KDM1B: variants seen among roughly 807,000 people sequenced by gnomAD.
KDM1B encodes the protein lysine demethylase 1B.
KDM1B carries 63 observed loss-of-function variants against 107.4 expected under a neutral mutation model. The ratio of observed to expected loss-of-function variants is 0.59; its 90% CI spans 0.48 to 0.72. The LOEUF is 0.72. KDM1B is among the 30% of genes least tolerant of loss of function. KDM1B has a pLI of 0.00. For synonymous variants in KDM1B, 363 were observed against 363.9 expected (o/e 1.00, Z 0.03); for missense variants, 749 against 1,020.8 (o/e 0.73, Z 3.63).
chr6:18,221,445 CT>C (rs1789732297), intron 21 of KDM1B, among the ~76,000 whole-genome samples: 1 of 152,120 alleles, frequency 6.6e-6, no homozygotes, highest in African/African-American at 2.4e-5. Flanking sequence ...ACAGCCCTCA[CT>C]CACATTGTCT....
At position 18,214,947 on chromosome 6, in the gene KDM1B, G is replaced by T; in HGVS notation, c.2110-60G>T. 1 of 1,550,334 alleles carries T rather than the reference G, an allele frequency of 6.5e-7. No individual in the cohort carries two copies. Among genetic ancestry groups the T allele is most frequent in the South Asian group, 1.2e-5 (1 of 84,858 alleles). ...ACAAAACAAAAAACAAAAAAAAGAG[G>T]CCCTTATCTGTGGGAGCTGAGCACT... On this transcript the variant is annotated intron_variant, in intron 19 of 21. Coordinates refer to ENST00000650836, the MANE Select transcript of KDM1B (RefSeq NM_001364614.2). The surrounding 1 kb of genome is among the most constrained non-coding windows in gnomAD (Gnocchi z 4.4).
chr6:18,214,914 A>T lies in KDM1B; in HGVS notation c.2110-93A>T. 7.6e-7 allele frequency: 1 copy of T among 1,316,284 alleles called. No individual in the cohort carries two copies. The highest frequency in any genetic ancestry group is 2.3e-5 in the Admixed American group (1 of 43,740). 81.5% of individuals were successfully genotyped at this position (1,316,284 alleles called of 1,614,324 possible). A position where few individuals can be genotyped will look rare whatever the true frequency, so the allele number is the denominator to read the frequency against. On this transcript the variant is annotated intron_variant, in intron 19 of 21. Coordinates refer to ENST00000650836, the MANE Select transcript of KDM1B (RefSeq NM_001364614.2). The surrounding 1 kb of genome is among the most constrained non-coding windows in gnomAD (Gnocchi z 4.4). ...GACAGAGCAAAACTCTGTCTCATTT[A>T]AAACAAAACAAAACAAAAAACAAAA...
chr6:18,171,077 C>T (rs1469713934), intron 6 of KDM1B, among the ~76,000 whole-genome samples: 1 of 152,142 alleles, frequency 6.6e-6, no homozygotes, highest in East Asian at 1.9e-4. Context: ...GCCTTGGCCT[C>T]CCAAAGTGCT....
chr6:18,213,360 C>T lies in KDM1B; in HGVS notation c.1984-296C>T, dbSNP rs1227293387. Among the ~76,000 whole-genome samples the T allele has an allele frequency of 2.0e-5, 3 of 151,208 alleles. No homozygotes were observed. The highest frequency in any genetic ancestry group is 2.4e-5 in the African/African-American group (1 of 41,112). On this transcript the variant is annotated intron_variant, in intron 18 of 21. Transcript: ENST00000650836. This position sits in a 1 kb window ranked among gnomAD's most constrained non-coding sequence, Gnocchi z 5.9. ...CTGAGGCAGGAGAATCACTCGAAAC[C>T]GGAAAGTGGAGGCTGCAGTGAGCCA...
At chr6:18,163,543 T>A (rs1785103198) in intron 5 of KDM1B, among the ~76,000 whole-genome samples, 1 of 152,198 alleles carries the variant, frequency 6.6e-6, no homozygotes, top group African/African-American at 2.4e-5. Flanking sequence ...ATCTTTCTTC[T>A]TTTCCAATAA....
chr6:18,215,871 T>C (rs2151035961), intron 20 of KDM1B, among the ~76,000 whole-genome samples: 1 of 152,260 alleles, frequency 6.6e-6, no homozygotes, highest in South Asian at 2.1e-4. Context: ...TTTTTTAATA[T>C]CGCACACATG....
intron 7 of KDM1B, among the ~76,000 whole-genome samples, chr6:18,174,846 A>G (rs116039710): frequency 0.018 from 2,738 of 152,258 alleles, 43 homozygotes; most frequent in African/African-American, 0.05. Flanking sequence ...GTATGTATGT[A>G]TGTACACATA....
intron 2 of KDM1B, among the ~76,000 whole-genome samples, chr6:18,158,299 G>A (rs1258238433): frequency 7.1e-6 from 1 of 141,798 alleles, no homozygotes; most frequent in African/African-American, 2.6e-5. Flanking sequence ...AAAGGAGGCC[G>A]GGCGATAGAG....
At position 18,167,226 on chromosome 6, in the gene KDM1B, G is replaced by A. The variant is rs187826131; in HGVS notation, c.417+848G>A. On this transcript the variant is annotated intron_variant, in intron 6 of 21. Coordinates refer to ENST00000650836, the MANE Select transcript of KDM1B (RefSeq NM_001364614.2). ...ACAAAAATTAGCCGGGCGTGGTGGCGCGCGCCTGTTGTCCCAGCTACTTGG... is the reference window on the plus strand; with the variant it reads ...ACAAAAATTAGCCGGGCGTGGTGGCACGCGCCTGTTGTCCCAGCTACTTGG... Among the ~76,000 whole-genome samples, 525 of 151,576 alleles carry A rather than the reference G, an allele frequency of 3.5e-3. 4 individuals carry two copies. Among genetic ancestry groups the A allele is most frequent in the African/African-American group, 0.012 (483 of 41,364 alleles).
rs1789949087 is a variant in KDM1B at position 18,223,485 on chromosome 6, C to T, written c.*1493C>T. On this transcript the variant is annotated 3_prime_UTR_variant, in exon 22 of 22. Transcript: ENST00000650836. The stretch of plus-strand genomic sequence containing the variant: ...TGGCAAGTATTCTGCTTTAAAGTAT[C>T]ATGTATTAAAATGTTTAGACAGCAT... 6.6e-6 allele frequency: 1 copy of T among 151,968 alleles called. No individual in the cohort carries two copies. 9.4% of individuals were successfully genotyped at this position (151,968 alleles called of 1,614,324 possible).
intron 9 of KDM1B, among the ~76,000 whole-genome samples, chr6:18,188,835 G>A (rs985379021): frequency 6.6e-6 from 1 of 150,954 alleles, no homozygotes; most frequent in African/African-American, 2.4e-5. Context: ...CCAGGCTGGA[G>A]TGCAGTGGCG....
Position 18,221,988 on chromosome 6 carries a change from T to G in KDM1B, c.2465T>G (p.Phe822Cys). Residue 822 changes from phenylalanine (F) to cysteine (C), a missense_variant, in exon 22 of 22, where the codon TTT (phenylalanine) becomes TGT (cysteine). Coordinates refer to ENST00000650836, the MANE Select transcript of KDM1B (RefSeq NM_001364614.2). ...GVREASKIAAF is the reference protein window; with the variant it reads ...GVREASKIAAC The stretch of plus-strand genomic sequence containing the variant: ...CGAGAAGCAAGCAAGATTGCAGCAT[T>G]TTAAGAATTCGGTGGACCCAGCTTT... The G allele has an allele frequency of 6.2e-7, 1 of 1,613,984 alleles. No homozygotes were observed. Among genetic ancestry groups the G allele is most frequent in the Non-Finnish European group, 8.5e-7 (1 of 1,179,870 alleles).
rs1788299891 is a variant in KDM1B, at chr6:18,205,351, AG to A, written c.1532-185del. On this transcript the variant is annotated intron_variant, in intron 14 of 21. Coordinates refer to ENST00000650836, the MANE Select transcript of KDM1B (RefSeq NM_001364614.2). This position sits in a 1 kb window ranked among gnomAD's most constrained non-coding sequence, Gnocchi z 5.7. ...ATAATAATAATAAAATTAAAAAAAAAGATAAACTTTCTCTTCCTGAGAGAAA... is the reference window on the plus strand; with the variant it reads ...ATAATAATAATAAAATTAAAAAAAAAATAAACTTTCTCTTCCTGAGAGAAA... 6.6e-6 allele frequency among the ~76,000 whole-genome samples: 1 copy of A among 152,186 alleles called. No individual in the cohort carries two copies. The highest frequency in any genetic ancestry group is 2.4e-5 in the African/African-American group (1 of 41,446).
In KDM1B at chr6:18,205,396, C is replaced by G. The variant is rs1401111759; in HGVS notation, c.1532-141C>G. On this transcript the variant is annotated intron_variant, in intron 14 of 21. Transcript: ENST00000650836. This position sits in a 1 kb window ranked among gnomAD's most constrained non-coding sequence, Gnocchi z 5.7. ...AGAGAAATGGACCTTATCAAGAGATCTTTTCCCCTCTGACTTTACTTGGGA... is the reference window on the plus strand; with the variant it reads ...AGAGAAATGGACCTTATCAAGAGATGTTTTCCCCTCTGACTTTACTTGGGA... The G allele has an allele frequency of 1.6e-5, 10 of 623,270 alleles. No individual in the cohort carries two copies. The highest frequency in any genetic ancestry group is 3.5e-5 in the Admixed American group (1 of 28,318). 38.6% of individuals were successfully genotyped at this position (623,270 alleles called of 1,614,324 possible).
rs1366287739 is a variant in KDM1B at position 18,201,469 on chromosome 6, T to A, written c.1360-17T>A. ...TCCAGGGAAAATTTTCACCTTCTTA[T>A]TCTTATTATTTTGAAGCTTGGCATC... On this transcript the variant is annotated splice_polypyrimidine_tract_variant and intron_variant, in intron 13 of 21. Coordinates refer to ENST00000650836, the MANE Select transcript of KDM1B (RefSeq NM_001364614.2). The surrounding 1 kb of genome is among the most constrained non-coding windows in gnomAD (Gnocchi z 4.3). The A allele has an allele frequency of 2.0e-6, 3 of 1,537,618 alleles. No individual in the cohort carries two copies. The highest frequency in any genetic ancestry group is 2.6e-6 in the Non-Finnish European group (3 of 1,140,690).
At position 18,207,603 on chromosome 6, in the gene KDM1B, C is replaced by T. The variant is rs372194816; in HGVS notation, c.1791+74C>T. The T allele has an allele frequency of 3.8e-5, 60 of 1,578,522 alleles. No individual in the cohort carries two copies. The East Asian group carries it at 4.1e-4, about 11-fold the overall frequency. ...TGTGAAGTTCTGGGCATGCGGCTCA[C>T]GCAGGAGAATGGGGCTGGCTTTGGT... is the stretch of plus-strand genomic sequence containing the variant. On this transcript the variant is annotated intron_variant, in intron 16 of 21. Coordinates refer to ENST00000650836, the MANE Select transcript of KDM1B (RefSeq NM_001364614.2).
intron 6 of KDM1B, 122 bp from the exon 7 acceptor site, chr6:18,171,241 A>AG (rs1338155099): frequency 4.2e-6 from 3 of 706,124 alleles, no homozygotes; most frequent in Admixed American, 4.0e-5. Context: ...TGGTAATGCA[A>AG]GGAGGAGAAA....
At chr6:18,163,144 TTC>T (rs1397953199) in intron 5 of KDM1B, among the ~76,000 whole-genome samples, 6 of 118,286 alleles carry the variant, frequency 5.1e-5, no homozygotes, top group Non-Finnish European at 5.1e-5. Context: ...TATCTGCCAT[TTC>T]TTTTTTTTTT....
At chr6:18,184,784 G>A (rs1786736881) in intron 7 of KDM1B, among the ~76,000 whole-genome samples, 1 of 114,186 alleles carries the variant, frequency 8.8e-6, no homozygotes, top group Non-Finnish European at 1.7e-5. Flanking sequence ...TTGTCCAGGT[G>A]GAGTGCAGTG....
Sources: gnomAD v4.1 joint callset for allele counts (sites outside exome capture counted in the v4.1 genomes callset) on GRCh38, gnomAD v4.1.1 for gene constraint, Gnocchi (gnomAD v3.1) non-coding constraint, MANE v1.5 for transcripts, NCBI Gene and HGNC (gene_info 2026-07-23, HGNC 2026-07-21) for gene names.